SYT7: variants seen among roughly 807,000 people sequenced by gnomAD.
SYT7 encodes synaptotagmin 7.
SYT7 carries 29 observed loss-of-function variants against 75.1 expected under a neutral mutation model. That is an observed-to-expected ratio of 0.39 (90% CI 0.29 to 0.53). The LOEUF (loss-of-function observed/expected upper bound fraction) is 0.53, where lower values mean the gene tolerates loss of function less well. SYT7 is among the 20% of genes least tolerant of loss of function. SYT7 has a pLI of 0.77. For missense variants in SYT7, 693 were observed against 953.2 expected, an observed-to-expected ratio of 0.73 and a Z score of 3.59; for synonymous variants, 376 against 401.7, an observed-to-expected ratio of 0.94 and a Z score of 0.76.
At chr11:61,526,945 G>A (rs1425422871) in intron 9 of SYT7, among the ~76,000 whole-genome samples, 1 of 152,152 alleles carries the variant, frequency 6.6e-6, no homozygotes, top group East Asian at 1.9e-4. Context: ...GCTAGGGCTT[G>A]GGGCAGCTGG....
In SYT7 at chr11:61,551,405, C is replaced by T. The variant is rs745662250; in HGVS notation, c.194G>A (p.Arg65His). ...TVGTPDSGRG[R>H]SEKKAINDLD... ...CTACTTGATAGCCTTCTTCTCACTG[C>T]GCCCACGCCCTGAGTCTGGCGTGCC... is the stretch of plus-strand genomic sequence containing the variant. Residue 65 changes from arginine (R) to histidine (H), a missense_variant, in exon 3 of 13, where the codon CGC (arginine) becomes CAC (histidine). Arg to His is a conservative substitution (Grantham distance 29). Transcript: ENST00000539008. This position sits in a 1 kb window ranked among gnomAD's most constrained non-coding sequence, Gnocchi z 5.3. 12 of 1,613,734 alleles carry T rather than the reference C, an allele frequency of 7.4e-6. No homozygotes were observed. Among genetic ancestry groups the T allele is most frequent in the Non-Finnish European group, 1.0e-5 (12 of 1,179,954 alleles).
rs745704116 is a variant in SYT7, at chr11:61,513,892, G to A, written c.*4735C>T. ...GGAAACAGATGGTCTGGGGAGCCAC[G>A]AGCTGGGGCATCGGCGTGCTCAAGG... On this transcript the variant is annotated 3_prime_UTR_variant, in exon 13 of 13. Coordinates refer to ENST00000539008, the MANE Select transcript of SYT7 (RefSeq NM_001365809.2). Among the ~76,000 whole-genome samples the A allele has an allele frequency of 2.0e-5, 3 of 152,204 alleles. No individual in the cohort carries two copies. The highest frequency in any genetic ancestry group is 2.9e-5 in the Non-Finnish European group (2 of 68,036).
intron 7 of SYT7, 177 bp from the exon 8 acceptor site, chr11:61,533,301 C>T (rs993813467): frequency 8.1e-6 from 8 of 985,318 alleles, no homozygotes; most frequent in Admixed American, 1.2e-4. Flanking sequence ...GACCCATGCC[C>T]GGGGCCCATT....
rs138673459 is a variant in SYT7 at position 61,572,608 on chromosome 11, C to A, written c.31+8182G>T. Among the ~76,000 whole-genome samples the A allele has an allele frequency of 4.1e-3, 630 of 152,334 alleles. 4 individuals are homozygous for A. Among genetic ancestry groups the A allele is most frequent in the African/African-American group, 0.015 (607 of 41,574 alleles). On this transcript the variant is annotated intron_variant, in intron 1 of 12. Transcript: ENST00000539008. ...TGAATTGGATATCTCCCTTGCAAGA[C>A]TGCTGTGAAGATGACATAACATGAT...
intron 1 of SYT7, among the ~76,000 whole-genome samples, chr11:61,556,879 G>A (rs2063514475): frequency 6.9e-6 from 1 of 144,288 alleles, no homozygotes; most frequent in African/African-American, 2.6e-5. Context: ...TATCCCCCAA[G>A]CTCACCCCCA....
chr11:61,575,103 T>C (rs1002557120), intron 1 of SYT7, among the ~76,000 whole-genome samples: 2 of 152,022 alleles, frequency 1.3e-5, no homozygotes, highest in Middle Eastern at 6.8e-3. Context: ...GAGGGCTCTC[T>C]AGGTCCCAGG....
At position 61,576,570 on chromosome 11, in the gene SYT7, C is replaced by A. The variant is rs752058831; in HGVS notation, c.31+4220G>T. ...ATCAGCTCCGGACTGGGCCTCCCGC[C>A]CCCACGTGACCCCTCCCAGCTCTTC... On this transcript the variant is annotated intron_variant, in intron 1 of 12. Coordinates refer to ENST00000539008, the MANE Select transcript of SYT7 (RefSeq NM_001365809.2). This position sits in a 1 kb window ranked among gnomAD's most constrained non-coding sequence, Gnocchi z 4.1. Among the ~76,000 whole-genome samples the A allele has an allele frequency of 2.6e-5, 4 of 152,216 alleles. No individual in the cohort carries two copies. The highest frequency in any genetic ancestry group is 6.5e-5 in the Admixed American group (1 of 15,292).
chr11:61,521,232 G>C (rs1429792363), intron 12 of SYT7, among the ~76,000 whole-genome samples: 1 of 152,256 alleles, frequency 6.6e-6, no homozygotes, highest in African/African-American at 2.4e-5. Flanking sequence ...GAAGGATTCA[G>C]AGATCCTTGG....
chr11:61,582,920 C>G (rs1234843901), upstream of SYT7, among the ~76,000 whole-genome samples: 1 of 152,192 alleles, frequency 6.6e-6, no homozygotes, highest in Non-Finnish European at 1.5e-5. Flanking sequence ...CTGCCTCTCT[C>G]ATTACCCTAG....
chr11:61,549,166 G>A (rs1039778826), intron 3 of SYT7, among the ~76,000 whole-genome samples: 2 of 152,128 alleles, frequency 1.3e-5, no homozygotes, highest in South Asian at 2.1e-4. Context: ...CATCCAGCCC[G>A]AGGTCCCAGA....
In SYT7 at chr11:61,513,752, C is replaced by A. The variant is rs1368867290; in HGVS notation, c.*4875G>T. Among the ~76,000 whole-genome samples, 1 of 152,208 alleles carries A rather than the reference C, an allele frequency of 6.6e-6. No individual in the cohort carries two copies. The highest frequency in any genetic ancestry group is 6.5e-5 in the Admixed American group (1 of 15,280). ...ATGAACGTTTATTAGCACACCTGGGCGTGCCACATGGAACATGTATGCAGA... is the reference window on the plus strand; with the variant it reads ...ATGAACGTTTATTAGCACACCTGGGAGTGCCACATGGAACATGTATGCAGA... On this transcript the variant is annotated 3_prime_UTR_variant, in exon 13 of 13. Transcript: ENST00000539008.
chr11:61,525,604 C>T (rs938734577), intron 9 of SYT7: 1 of 152,088 alleles, frequency 6.6e-6, no homozygotes, highest in Non-Finnish European at 1.5e-5. Context: ...CAAAACATAA[C>T]ACACGCGGTA....
intron 5 of SYT7, among the ~76,000 whole-genome samples, chr11:61,544,385 G>T (rs1290340287): frequency 6.6e-6 from 1 of 152,234 alleles, no homozygotes; most frequent in South Asian, 2.1e-4. Context: ...AAGAGGGAGA[G>T]AAAGAGTATA....
In SYT7 at chr11:61,516,851, G is replaced by T. The variant is rs1357353181; in HGVS notation, c.*1776C>A. ...CTCCAGATCCCAGGGAGAGGAAATG[G>T]TGGGGGTGTGCGATTTAATTTCAGA... On this transcript the variant is annotated 3_prime_UTR_variant, in exon 13 of 13. Coordinates refer to ENST00000539008, the MANE Select transcript of SYT7 (RefSeq NM_001365809.2). This position sits in a 1 kb window ranked among gnomAD's most constrained non-coding sequence, Gnocchi z 4.6. 2 of 171,004 alleles carry T rather than the reference G, an allele frequency of 1.2e-5. No homozygotes were observed. Among genetic ancestry groups the T allele is most frequent in the Admixed American group, 6.3e-5 (1 of 15,780 alleles). 10.6% of individuals were successfully genotyped at this position (171,004 alleles called of 1,614,324 possible). A position where few individuals can be genotyped will look rare whatever the true frequency, so the allele number is the denominator to read the frequency against.
Position 61,546,973 on chromosome 11 carries a change from G to A in SYT7, c.347+204C>T, listed in dbSNP as rs1042478486. On this transcript the variant is annotated intron_variant, in intron 4 of 12. Transcript: ENST00000539008. This position sits in a 1 kb window ranked among gnomAD's most constrained non-coding sequence, Gnocchi z 7.6. The stretch of plus-strand genomic sequence containing the variant: ...TGGCCCTGGGGGAGGGGACGGGAGC[G>A]GGCAGGCAGGTGGGTTGGGGCAGGT... Among the ~76,000 whole-genome samples the A allele has an allele frequency of 3.9e-5, 6 of 152,078 alleles. No individual in the cohort carries two copies. Among genetic ancestry groups the A allele is most frequent in the Admixed American group, 6.5e-5 (1 of 15,272 alleles).
At position 61,576,704 on chromosome 11, in the gene SYT7, G is replaced by T. The variant is rs947516089; in HGVS notation, c.31+4086C>A. On this transcript the variant is annotated intron_variant, in intron 1 of 12. Coordinates refer to ENST00000539008, the MANE Select transcript of SYT7 (RefSeq NM_001365809.2). This position sits in a 1 kb window ranked among gnomAD's most constrained non-coding sequence, Gnocchi z 4.1. ...GGATTCAAAGTCCGTGAGAGAATAG[G>T]GGGTGGGTGGGGAGTAGGATGGGGG... 2.6e-5 allele frequency among the ~76,000 whole-genome samples: 4 copies of T among 152,026 alleles called. No individual in the cohort carries two copies. Among genetic ancestry groups the T allele is most frequent in the Non-Finnish European group, 4.4e-5 (3 of 67,966 alleles).
chr11:61,558,032 G>C (rs2063541302), intron 1 of SYT7, among the ~76,000 whole-genome samples: 1 of 152,232 alleles, frequency 6.6e-6, no homozygotes, highest in African/African-American at 2.4e-5. Flanking sequence ...AACCTGCCCA[G>C]CCCCACTGGA....
At chr11:61,532,914 C>T (rs1414240182) in intron 8 of SYT7, 75 bp downstream of exon 8, 9 of 1,585,282 alleles carry the variant, frequency 5.7e-6, no homozygotes, top group East Asian at 2.3e-5. Context: ...ATCATTCCCA[C>T]ACACATCCCT....
chr11:61,577,424 A>G (rs2094927309), intron 1 of SYT7, among the ~76,000 whole-genome samples: 1 of 152,228 alleles, frequency 6.6e-6, no homozygotes, highest in African/African-American at 2.4e-5. Context: ...ATGGGTGGAC[A>G]CAGTCAGGCC....
Sources: allele counts gnomAD v4.1 joint callset (sites outside exome capture counted in the v4.1 genomes callset), GRCh38; gene constraint gnomAD v4.1.1; non-coding constraint Gnocchi (gnomAD v3.1); transcripts MANE v1.5; gene names NCBI Gene and HGNC (gene_info 2026-07-23, HGNC 2026-07-21).